DISC1: variants seen among roughly 807,000 people sequenced by gnomAD.
DISC1 encodes the protein DISC1 scaffold protein, also known as disrupted in schizophrenia 1 protein.
A neutral mutation model predicts 84.5 loss-of-function variants in DISC1; 57 were observed. The ratio of observed to expected loss-of-function variants is 0.67; its 90% CI spans 0.55 to 0.84. DISC1 has a LOEUF of 0.84. Ranked by LOEUF, DISC1 falls within the 40% of genes least tolerant of loss-of-function variation. The pLI is 0.00. For synonymous variants in DISC1, 411 were observed against 415.2 expected (o/e 0.99, Z 0.12); for missense variants, 1,000 against 1,057.8 (o/e 0.95, Z 0.76).
chr1:231,762,261 T>C (rs111474039), intron 4 of DISC1, among the ~76,000 whole-genome samples: 19 of 55,320 alleles, frequency 3.4e-4, no homozygotes, highest in African/African-American at 9.5e-4. Flanking sequence ...TTCTTTATTT[T>C]CTTTCCTTTC....
At chr1:231,712,071 A>G (rs1487290289) in intron 3 of DISC1, among the ~76,000 whole-genome samples, 1 of 152,184 alleles carries the variant, frequency 6.6e-6, no homozygotes, top group Non-Finnish European at 1.5e-5. Flanking sequence ...GGAGGTGGTG[A>G]TGTGACCACA....
chr1:231,896,058 G>A (rs2087660008), intron 9 of DISC1, among the ~76,000 whole-genome samples: 1 of 152,148 alleles, frequency 6.6e-6, no homozygotes, highest in African/African-American at 2.4e-5. Flanking sequence ...CAAAAGGCTG[G>A]TGTGGAGTCA....
intron 9 of DISC1, among the ~76,000 whole-genome samples, chr1:231,843,001 A>G (rs1418970396): frequency 1.3e-5 from 2 of 152,116 alleles, no homozygotes; most frequent in Non-Finnish European, 2.9e-5. Flanking sequence ...AGCTGGTTAC[A>G]TGTGCTGAGC....
chr1:232,033,203 T>C (rs1670215374), intron 12 of DISC1, among the ~76,000 whole-genome samples: 1 of 152,284 alleles, frequency 6.6e-6, no homozygotes, highest in Admixed American at 6.5e-5. Flanking sequence ...TTCTAATTAT[T>C]TGCTCAGATA....
chr1:231,639,756 T>C (rs530200726), intron 1 of DISC1, among the ~76,000 whole-genome samples: 3 of 152,326 alleles, frequency 2.0e-5, no homozygotes, highest in African/African-American at 7.2e-5. Flanking sequence ...TCACAACCTG[T>C]CATCATTTAT....
At chr1:232,011,370 C>T (rs821626) in intron 11 of DISC1, among the ~76,000 whole-genome samples, 42,532 of 151,954 alleles carry the variant, frequency 0.28, 6,227 homozygotes, top group African/African-American at 0.32. Flanking sequence ...GGATGTCCTA[C>T]ATTTATTTGT....
At chr1:232,008,370 T>G (rs778745883) in intron 10 of DISC1, among the ~76,000 whole-genome samples, 12 of 152,216 alleles carry the variant, frequency 7.9e-5, no homozygotes, top group Non-Finnish European at 1.5e-4. Context: ...ATAATATGAT[T>G]TAGTCAGATG....
rs1553338464 is a variant in DISC1 at position 231,759,548 on chromosome 1, A to AC, written c.1269-7592_1269-7591insC. Among the ~76,000 whole-genome samples the AC allele has an allele frequency of 2.2e-5, 3 of 139,384 alleles. No individual in the cohort carries two copies. The South Asian group carries it at 6.7e-4, about 31-fold the overall frequency. 91.4% of individuals were successfully genotyped at this position (139,384 alleles called of 152,430 possible). ...CTACAAAAAAAAAAAAAAAAAAAAA[A>AC]AAACAAAACTAGCCAAATGCGGTGG... On this transcript the variant is annotated intron_variant, in intron 4 of 12. Coordinates refer to ENST00000439617, the MANE Select transcript of DISC1 (RefSeq NM_018662.3).
intron 9 of DISC1, among the ~76,000 whole-genome samples, chr1:231,953,642 T>C (rs1249732633): frequency 6.6e-6 from 1 of 152,256 alleles, no homozygotes; most frequent in Non-Finnish European, 1.5e-5. Flanking sequence ...TTTATCTAAA[T>C]TGATTCTTGA....
rs1404288034 is a variant in DISC1 at position 232,041,172 on chromosome 1, G to A, written c.*4341G>A. 2.6e-5 allele frequency: 4 copies of A among 152,202 alleles called. No homozygotes were observed. Among genetic ancestry groups the A allele is most frequent in the Non-Finnish European group, 4.4e-5 (3 of 68,036 alleles). 9.4% of individuals were successfully genotyped at this position (152,202 alleles called of 1,614,324 possible). A position where few individuals can be genotyped will look rare whatever the true frequency, so the allele number is the denominator to read the frequency against. ...TTTGTCCTTTGAAGTATGGATGATA[G>A]AAAAATGTATCAGGTTTATTCATCT... On this transcript the variant is annotated 3_prime_UTR_variant, in exon 13 of 13. Coordinates refer to ENST00000439617, the MANE Select transcript of DISC1 (RefSeq NM_018662.3).
intron 11 of DISC1, among the ~76,000 whole-genome samples, chr1:232,016,865 G>A (rs1330346493): frequency 6.6e-6 from 1 of 152,144 alleles, no homozygotes; most frequent in Non-Finnish European, 1.5e-5. Context: ...CAGTTACTCA[G>A]GGAGTAACCG....
intron 9 of DISC1, among the ~76,000 whole-genome samples, chr1:231,891,442 G>A (rs914606949): frequency 2.6e-5 from 4 of 152,200 alleles, no homozygotes; most frequent in Non-Finnish European, 4.4e-5. Flanking sequence ...GTCATGCCAC[G>A]TGAGGAAGCA....
chr1:231,965,746 C>G (rs563124383), intron 10 of DISC1, among the ~76,000 whole-genome samples: 9 of 152,358 alleles, frequency 5.9e-5, no homozygotes, highest in African/African-American at 2.2e-4. Flanking sequence ...ATTAACTGTG[C>G]TCCACAGCAG....
At chr1:231,890,333 C>T (rs1208056271) in intron 9 of DISC1, among the ~76,000 whole-genome samples, 1 of 152,126 alleles carries the variant, frequency 6.6e-6, no homozygotes, top group Non-Finnish European at 1.5e-5. Flanking sequence ...AAATCATATA[C>T]TGAGCATACG....
intron 8 of DISC1, among the ~76,000 whole-genome samples, chr1:231,813,751 G>C (rs904478930): frequency 1.3e-5 from 2 of 152,042 alleles, no homozygotes; most frequent in Admixed American, 1.3e-4. Context: ...TCTCTAACCT[G>C]GGTTCCTGTT....
intron 9 of DISC1, among the ~76,000 whole-genome samples, chr1:231,827,311 T>C: frequency 6.6e-6 from 1 of 152,200 alleles, no homozygotes; most frequent in East Asian, 1.9e-4. Context: ...TAAACTATTA[T>C]ATAATTTAGG....
At chr1:231,627,454 G>C (rs1312640997) in intron 1 of DISC1, among the ~76,000 whole-genome samples, 4 of 152,218 alleles carry the variant, frequency 2.6e-5, no homozygotes, top group African/African-American at 9.6e-5. Flanking sequence ...ACCAGGAACT[G>C]GTGCCTGTGC....
At chr1:231,700,660 C>T (rs1201721999) in intron 2 of DISC1, among the ~76,000 whole-genome samples, 2 of 152,092 alleles carry the variant, frequency 1.3e-5, no homozygotes, top group African/African-American at 4.8e-5. Context: ...ATGTTTTTGC[C>T]TAGAATGTAA....
chr1:231,972,610 A>G (rs1344985678), intron 10 of DISC1, among the ~76,000 whole-genome samples: 1 of 152,202 alleles, frequency 6.6e-6, no homozygotes, highest in Non-Finnish European at 1.5e-5. Flanking sequence ...CAGAGATACA[A>G]ATCTCAAGAG....
Sources: allele counts gnomAD v4.1 joint callset (sites outside exome capture counted in the v4.1 genomes callset), GRCh38; gene constraint gnomAD v4.1.1; transcripts MANE v1.5; gene names NCBI Gene and HGNC (gene_info 2026-07-23, HGNC 2026-07-21).